Variants in PTPRN2 observed in about 807,000 individuals in gnomAD.
PTPRN2 encodes receptor-type tyrosine-protein phosphatase N2.
Under a neutral mutation model 118.8 loss-of-function variants are expected in PTPRN2, and 74 were observed. The observed-to-expected ratio is 0.62, with a 90% CI of 0.52 to 0.76. The LOEUF (loss-of-function observed/expected upper bound fraction) is 0.76, where lower values mean the gene tolerates loss of function less well. Ranked by LOEUF, PTPRN2 falls within the 30% of genes least tolerant of loss-of-function variation. The pLI is 0.00. For synonymous variants in PTPRN2, 641 were observed against 608.0 expected (o/e 1.05, Z -0.80); for missense variants, 1,481 against 1,394.4 (o/e 1.06, Z -0.99).
rs377626523 is a variant in PTPRN2 at position 158,340,982 on chromosome 7, C to G, written c.164-24050G>C. On this transcript the variant is annotated intron_variant, in intron 2 of 22. Transcript: ENST00000389418. ...GACGCCCGCAGATGTCACTCACACCCACACTCTCACCATAAGAGGTGAAAC... is the reference window on the plus strand; with the variant it reads ...GACGCCCGCAGATGTCACTCACACCGACACTCTCACCATAAGAGGTGAAAC... Among the ~76,000 whole-genome samples, 581 of 79,664 alleles carry G rather than the reference C, an allele frequency of 7.3e-3. 40 individuals are homozygous for G. Among genetic ancestry groups the G allele is most frequent in the African/African-American group, 0.025 (553 of 22,038 alleles). 52.3% of individuals were successfully genotyped at this position (79,664 alleles called of 152,430 possible). A position where few individuals can be genotyped will look rare whatever the true frequency, so the allele number is the denominator to read the frequency against.
At chr7:158,171,296 T>TATATACAC (rs1563555539) in intron 5 of PTPRN2, among the ~76,000 whole-genome samples, 1 of 34,814 alleles carries the variant, frequency 2.9e-5, no homozygotes, top group African/African-American at 1.2e-4. Flanking sequence ...TATACACACA[T>TATATACAC]ATATATACAC....
chr7:158,527,521 T>A (rs1379162250), intron 1 of PTPRN2, among the ~76,000 whole-genome samples: 1 of 152,132 alleles, frequency 6.6e-6, no homozygotes, highest in African/African-American at 2.4e-5. Flanking sequence ...CTCCATTTCC[T>A]CCTTCTGAGA....
chr7:157,956,764 C>T (rs1292986547), intron 11 of PTPRN2, among the ~76,000 whole-genome samples: 2 of 152,230 alleles, frequency 1.3e-5, no homozygotes, highest in Admixed American at 6.5e-5. Flanking sequence ...ACCTCACTTT[C>T]CCAGAGGATA....
At chr7:158,132,396 C>A (rs1818415081) in intron 9 of PTPRN2, among the ~76,000 whole-genome samples, 1 of 151,780 alleles carries the variant, frequency 6.6e-6, no homozygotes, top group Non-Finnish European at 1.5e-5. Context: ...CAAATAAGCA[C>A]AAACCAATAC....
At chr7:157,686,791 G>T (rs1797218220) in intron 12 of PTPRN2, among the ~76,000 whole-genome samples, 2 of 152,172 alleles carry the variant, frequency 1.3e-5, no homozygotes, top group African/African-American at 4.8e-5. Context: ...GGGAGAAGGA[G>T]GCCTGGTAAC....
intron 11 of PTPRN2, among the ~76,000 whole-genome samples, chr7:158,072,865 C>T (rs1323169088): frequency 6.6e-6 from 1 of 152,192 alleles, no homozygotes; most frequent in Admixed American, 6.5e-5. Flanking sequence ...TAATTGAGCC[C>T]TTCAGAGTCT....
chr7:158,069,630 C>T lies in PTPRN2; in HGVS notation c.1723+11668G>A, dbSNP rs574959563. 7.9e-5 allele frequency among the ~76,000 whole-genome samples: 12 copies of T among 152,290 alleles called. No homozygotes were observed. In the South Asian group the frequency reaches 2.5e-3, roughly 32 times the overall value. The stretch of plus-strand genomic sequence containing the variant: ...ACGCCCCACCTCCTCCATTCTTTAC[C>T]CACAATTGTTGCTATTCTTCTAACC... On this transcript the variant is annotated intron_variant, in intron 11 of 22. Transcript: ENST00000389418.
At chr7:158,086,977 C>T (rs1490780714) in intron 10 of PTPRN2, among the ~76,000 whole-genome samples, 2 of 152,180 alleles carry the variant, frequency 1.3e-5, no homozygotes, top group Non-Finnish European at 2.9e-5. Flanking sequence ...GTTTGTTTAA[C>T]CGCCACTTCC....
At chr7:158,471,070 T>C (rs1176792656) in intron 2 of PTPRN2, among the ~76,000 whole-genome samples, 4 of 152,176 alleles carry the variant, frequency 2.6e-5, no homozygotes, top group African/African-American at 9.6e-5. Flanking sequence ...GGTTTCACCA[T>C]GTCAAAGGTT....
chr7:158,301,185 C>T (rs1046718726), intron 3 of PTPRN2, among the ~76,000 whole-genome samples: 1 of 152,152 alleles, frequency 6.6e-6, no homozygotes, highest in Admixed American at 6.5e-5. Flanking sequence ...GGGCACTTTT[C>T]CTTGATTTCT....
chr7:157,553,416 C>A (rs948295669), intron 21 of PTPRN2, among the ~76,000 whole-genome samples: 1 of 152,200 alleles, frequency 6.6e-6, no homozygotes, highest in Non-Finnish European at 1.5e-5. Flanking sequence ...AAGGGGCTCT[C>A]CCTCCGCGTG....
In PTPRN2 at chr7:158,246,890, A is replaced by G. The variant is rs372729169; in HGVS notation, c.278-41617T>C. Reference sequence around the variant, plus strand: ...AAGACAGCTTCAGAGCTGGTCAAACAGGACTGAGAGGGGCTACACCAGGAA... The same window carrying G: ...AAGACAGCTTCAGAGCTGGTCAAACGGGACTGAGAGGGGCTACACCAGGAA... On this transcript the variant is annotated intron_variant, in intron 3 of 22. Transcript: ENST00000389418. Among the ~76,000 whole-genome samples, 241 of 151,712 alleles carry G rather than the reference A, an allele frequency of 1.6e-3. 2 individuals are homozygous for G. Among genetic ancestry groups the G allele is most frequent in the African/African-American group, 5.5e-3 (225 of 41,066 alleles).
chr7:157,931,515 T>G (rs938982181), intron 11 of PTPRN2, among the ~76,000 whole-genome samples: 2 of 152,216 alleles, frequency 1.3e-5, no homozygotes. Flanking sequence ...GTGAGCTCAA[T>G]TCTTAATCTA....
At chr7:157,999,630 CACG>C (rs796088860) in intron 11 of PTPRN2, among the ~76,000 whole-genome samples, 23 of 152,258 alleles carry the variant, frequency 1.5e-4, no homozygotes, top group African/African-American at 5.5e-4. Context: ...GACTCGTCCA[CACG>C]ACGAGACCAG....
At chr7:157,866,339 CAG>C (rs1470476736) in intron 12 of PTPRN2, among the ~76,000 whole-genome samples, 2 of 152,126 alleles carry the variant, frequency 1.3e-5, no homozygotes, top group African/African-American at 2.4e-5. Flanking sequence ...CATGCATATG[CAG>C]AGTTATATAC....
At chr7:158,246,985 T>C (rs754794971) in intron 3 of PTPRN2, among the ~76,000 whole-genome samples, 1 of 152,186 alleles carries the variant, frequency 6.6e-6, no homozygotes, top group Non-Finnish European at 1.5e-5. Context: ...ATAGAGCGCA[T>C]GGAGCTTCCC....
intron 12 of PTPRN2, among the ~76,000 whole-genome samples, chr7:157,755,911 T>C (rs984395125): frequency 1.3e-5 from 2 of 152,018 alleles, no homozygotes; most frequent in African/African-American, 4.8e-5. Flanking sequence ...AATGCGAGCA[T>C]TTCCCATTGG....
intron 12 of PTPRN2, among the ~76,000 whole-genome samples, chr7:157,685,911 A>T (rs1419000718): frequency 6.6e-6 from 1 of 151,938 alleles, no homozygotes; most frequent in African/African-American, 2.4e-5. Context: ...GTCCCAGCAG[A>T]GGAGGGGTGG....
chr7:157,808,322 G>A lies in PTPRN2; in HGVS notation c.1788+90351C>T, dbSNP rs1371939442. Among the ~76,000 whole-genome samples, 2 of 152,090 alleles carry A rather than the reference G, an allele frequency of 1.3e-5. No homozygotes were observed. Among genetic ancestry groups the A allele is most frequent in the African/African-American group, 2.4e-5 (1 of 41,394 alleles). Reference sequence around the variant, plus strand: ...TGGTGGGTGAGTGAGTACGTGAGTGGCAGGTAAGCGGGTGAGTGGCGGGTG... The same window carrying A: ...TGGTGGGTGAGTGAGTACGTGAGTGACAGGTAAGCGGGTGAGTGGCGGGTG... On this transcript the variant is annotated intron_variant, in intron 12 of 22. Coordinates refer to ENST00000389418, the MANE Select transcript of PTPRN2 (RefSeq NM_002847.5). The surrounding 1 kb of genome is among the most constrained non-coding windows in gnomAD (Gnocchi z 5.0).
Sources: allele counts gnomAD v4.1 joint callset (sites outside exome capture counted in the v4.1 genomes callset), GRCh38; gene constraint gnomAD v4.1.1; non-coding constraint Gnocchi (gnomAD v3.1); transcripts MANE v1.5; gene names NCBI Gene and HGNC (gene_info 2026-07-23, HGNC 2026-07-21).